The following KDM5A variants were observed in gnomAD, a reference collection of about 807,000 sequenced individuals.
KDM5A encodes the protein lysine demethylase 5A, also known as lysine-specific demethylase 5A.
Under a neutral mutation model 193.5 loss-of-function variants are expected in KDM5A, and 42 were observed. That is an observed-to-expected ratio of 0.22 (90% confidence interval 0.17 to 0.28). KDM5A has a LOEUF of 0.28. Ranked by LOEUF, KDM5A falls within the 10% of genes least tolerant of loss-of-function variation. The pLI, the probability that KDM5A is intolerant of heterozygous loss-of-function variation, is 1.00. For missense variants in KDM5A, 1,692 were observed against 2,055.1 expected (o/e 0.82, Z 3.42); for synonymous variants, 796 against 718.1 (o/e 1.11, Z -1.73).
At chr12:371,136 T>C (rs1323066486) in intron 3 of KDM5A, among the ~76,000 whole-genome samples, 1 of 152,216 alleles carries the variant, frequency 6.6e-6, no homozygotes, top group Non-Finnish European at 1.5e-5. Flanking sequence ...TACCCAGTAA[T>C]GGGATGGCTG....
chr12:378,839 G>T (rs1012714781), intron 3 of KDM5A, among the ~76,000 whole-genome samples: 3 of 151,774 alleles, frequency 2.0e-5, no homozygotes, highest in African/African-American at 7.3e-5. Context: ...GGCGCCTGTA[G>T]TCCCAGCTAC....
At chr12:305,302 C>A (rs1312363487) in intron 24 of KDM5A, among the ~76,000 whole-genome samples, 2 of 152,080 alleles carry the variant, frequency 1.3e-5, no homozygotes, top group African/African-American at 4.8e-5. Flanking sequence ...ATTATTTGAA[C>A]AGTCTAATTC....
chr12:381,285 T>G (rs1346286627), intron 3 of KDM5A, among the ~76,000 whole-genome samples: 3 of 152,094 alleles, frequency 2.0e-5, no homozygotes, highest in African/African-American at 7.2e-5. Flanking sequence ...TGAGCCACCG[T>G]GCCCGGCTGA....
chr12:377,499 G>A (rs1429162212), intron 3 of KDM5A, among the ~76,000 whole-genome samples: 1 of 151,444 alleles, frequency 6.6e-6, no homozygotes, highest in African/African-American at 2.4e-5. Context: ...GAAAAAAAAA[G>A]TCACAAAAAA....
chr12:333,221 C>G (rs1347300616), intron 12 of KDM5A: 1 of 463,958 alleles, frequency 2.2e-6, no homozygotes, highest in African/African-American at 2.0e-5. Context: ...GAGTTCGAGA[C>G]CAACCTGGGC....
chr12:388,259 T>C (rs1944671516), intron 1 of KDM5A: 1 of 455,904 alleles, frequency 2.2e-6, no homozygotes, highest in Admixed American at 2.4e-5. Context: ...TAATTAACCT[T>C]ATAGGCAAAC....
chr12:281,861 T>C lies in KDM5A; in HGVS notation c.*3595A>G. The C allele has an allele frequency of 3.6e-6, 1 of 274,764 alleles. No individual in the cohort carries two copies. Among genetic ancestry groups the C allele is most frequent in the Non-Finnish European group, 7.1e-6 (1 of 140,042 alleles). 17.0% of individuals were successfully genotyped at this position (274,764 alleles called of 1,614,324 possible). A position where few individuals can be genotyped will look rare whatever the true frequency, so the allele number is the denominator to read the frequency against. On this transcript the variant is annotated 3_prime_UTR_variant, in exon 28 of 28. Transcript: ENST00000399788. The stretch of plus-strand genomic sequence containing the variant: ...CTGACAAGCAAGTAGTTTCTTGGCG[T>C]GCACGAATTGCATCCAGAACCCAAA...
At chr12:388,851 G>C (rs1944684944) in intron 1 of KDM5A, 76 bp downstream of exon 1, 1 of 1,503,612 alleles carries the variant, frequency 6.7e-7, no homozygotes, top group African/African-American at 1.4e-5. Flanking sequence ...ACAAGGATCA[G>C]AAAAGTAAAG....
In KDM5A at chr12:319,746, G is replaced by A. The variant is rs867720799; in HGVS notation, c.2541+1249C>T. Reference sequence around the variant, plus strand: ...TGCAGCCTGGATGACAGAGCCAGACGCTGTCTCAAAAAGAAAAGAAAAGAA... The same window carrying A: ...TGCAGCCTGGATGACAGAGCCAGACACTGTCTCAAAAAGAAAAGAAAAGAA... On this transcript the variant is annotated intron_variant, in intron 18 of 27. Transcript: ENST00000399788. Among the ~76,000 whole-genome samples the A allele has an allele frequency of 3.3e-5, 5 of 151,698 alleles. No homozygotes were observed. The East Asian group carries it at 7.7e-4, about 23-fold the overall frequency.
chr12:370,880 C>G (rs1281399538), intron 3 of KDM5A, among the ~76,000 whole-genome samples: 2 of 152,126 alleles, frequency 1.3e-5, no homozygotes, highest in Admixed American at 1.3e-4. Context: ...GTTTTCTGTT[C>G]TTGTGACAGT....
intron 27 of KDM5A, 51 bp downstream of exon 27, chr12:292,707 CA>C (rs1565523290): frequency 6.2e-7 from 1 of 1,612,444 alleles, no homozygotes; most frequent in African/African-American, 1.3e-5. Context: ...TGTGTCTCCA[CA>C]ACTGTTGCTC....
Position 307,761 on chromosome 12 carries a change from A to T in KDM5A, c.3623T>A (p.Val1208Glu), listed in dbSNP as rs757968807. ...KKGSSWQAKE[V>E]KFLCPLCMRS... ...CATACAAAGAGGGCAAAGGAATTTT[A>T]CTTCTTTAGCTTGCCAGCTGGATCC... Residue 1208 changes from valine (V) to glutamate (E), a missense_variant, in exon 23 of 28, where the codon GTA (valine) becomes GAA (glutamate). Coordinates refer to ENST00000399788, the MANE Select transcript of KDM5A (RefSeq NM_001042603.3). The surrounding 1 kb of genome is among the most constrained non-coding windows in gnomAD (Gnocchi z 4.3). 19 of 1,613,950 alleles carry T rather than the reference A, an allele frequency of 1.2e-5. No individual in the cohort carries two copies. Among genetic ancestry groups the T allele is most frequent in the African/African-American group, 2.7e-5 (2 of 74,882 alleles).
intron 21 of KDM5A, among the ~76,000 whole-genome samples, chr12:310,181 A>T (rs1943565901): frequency 6.6e-6 from 1 of 152,214 alleles, no homozygotes. Context: ...CAGGAAGGAA[A>T]TAACTTGCCC....
At chr12:299,632 T>C (rs1049930008) in intron 24 of KDM5A, among the ~76,000 whole-genome samples, 2 of 152,136 alleles carry the variant, frequency 1.3e-5, no homozygotes, top group Non-Finnish European at 2.9e-5. Context: ...ATGAAGAAAC[T>C]GCATCAACTA....
chr12:349,461 C>T (rs1944122330), intron 10 of KDM5A, among the ~76,000 whole-genome samples: 1 of 151,438 alleles, frequency 6.6e-6, no homozygotes, highest in Non-Finnish European at 1.5e-5. Flanking sequence ...TCCTGAGTAG[C>T]TGGGATTACA....
chr12:314,474 C>T (rs574154338), intron 19 of KDM5A, among the ~76,000 whole-genome samples: 1 of 152,220 alleles, frequency 6.6e-6, no homozygotes, highest in East Asian at 1.9e-4. Flanking sequence ...GGATTACAGG[C>T]GTGAGCCACT....
At chr12:323,565 A>G (rs1943747935) in intron 15 of KDM5A, 35 bp downstream of exon 15, 1 of 1,587,898 alleles carries the variant, frequency 6.3e-7, no homozygotes. Flanking sequence ...TTTTAAAAAA[A>G]GGTAATGGAA....
At chr12:357,740 A>T (rs1246445535) in intron 5 of KDM5A, among the ~76,000 whole-genome samples, 1 of 147,494 alleles carries the variant, frequency 6.8e-6, no homozygotes, top group East Asian at 2.0e-4. Context: ...AAGCAGAAGA[A>T]TTACTTGAAC....
chr12:330,133 A>G (rs541717795), intron 13 of KDM5A, among the ~76,000 whole-genome samples: 1 of 150,640 alleles, frequency 6.6e-6, no homozygotes, highest in East Asian at 2.0e-4. Flanking sequence ...TATTAACAAC[A>G]CACAACTCTT....
Sources: allele counts gnomAD v4.1 joint callset (sites outside exome capture counted in the v4.1 genomes callset), GRCh38; gene constraint gnomAD v4.1.1; non-coding constraint Gnocchi (gnomAD v3.1); transcripts MANE v1.5; gene names NCBI Gene and HGNC (gene_info 2026-07-23, HGNC 2026-07-21).